Variants in RARB observed in about 807,000 individuals in gnomAD.
RARB encodes the protein retinoic acid receptor beta.
A neutral mutation model predicts 51.9 loss-of-function variants in RARB; 17 were observed. The ratio of observed to expected loss-of-function variants is 0.33; its 90% CI spans 0.22 to 0.49. RARB has a LOEUF of 0.49. RARB is among the 20% of genes least tolerant of loss of function. The pLI, the probability that RARB is intolerant of heterozygous loss-of-function variation, is 0.99. For missense variants in RARB, 369 were observed against 550.8 expected, an observed-to-expected ratio of 0.67 and a Z score of 3.30; for synonymous variants, 215 against 195.4, an observed-to-expected ratio of 1.10 and a Z score of -0.84.
chr3:25,415,129 T>A (rs997433582), intron 5 of RARB, among the ~76,000 whole-genome samples: 16 of 152,098 alleles, frequency 1.1e-4, no homozygotes, highest in South Asian at 2.1e-4. Flanking sequence ...CTTTGCACTA[T>A]TTTTATCCTA....
At chr3:25,088,548 G>A (rs1699142615) in intron 3 of RARB, among the ~76,000 whole-genome samples, 1 of 152,106 alleles carries the variant, frequency 6.6e-6, no homozygotes, top group Non-Finnish European at 1.5e-5. Flanking sequence ...AGGGAACCGG[G>A]CTGGGAAATT....
rs78698430 is a variant in RARB at position 25,402,478 on chromosome 3, A to G, written c.179-58715A>G. On this transcript the variant is annotated intron_variant, in intron 5 of 11. Coordinates refer to the RARB transcript ENST00000383772. ...GTATATACTCAAAAGAAAGGAAATCAGAATATCAAAGAGATACCTGCACTC... is the reference window on the plus strand; with the variant it reads ...GTATATACTCAAAAGAAAGGAAATCGGAATATCAAAGAGATACCTGCACTC... Among the ~76,000 whole-genome samples, 1,347 of 152,350 alleles carry G rather than the reference A, an allele frequency of 8.8e-3. 21 individuals carry two copies. Among genetic ancestry groups the G allele is most frequent in the African/African-American group, 0.031 (1,269 of 41,574 alleles).
At chr3:25,002,539 T>C (rs1013649450) in intron 2 of RARB, among the ~76,000 whole-genome samples, 2 of 152,230 alleles carry the variant, frequency 1.3e-5, no homozygotes, top group Admixed American at 1.3e-4. Context: ...AGGCTAAAAA[T>C]TAATTGTTTT....
intron 3 of RARB, 26 bp downstream of exon 3, chr3:25,501,349 T>C (rs776257066): frequency 7.5e-6 from 12 of 1,605,056 alleles, no homozygotes; most frequent in East Asian, 6.7e-5. Flanking sequence ...AAAAACTTTT[T>C]CCCTGTTTTC....
chr3:25,497,028 G>T (rs1559434724), intron 2 of RARB, among the ~76,000 whole-genome samples: 1 of 152,164 alleles, frequency 6.6e-6, no homozygotes, highest in Non-Finnish European at 1.5e-5. Context: ...GGAATTACAG[G>T]CATGCGCCAC....
intron 2 of RARB, chr3:25,020,223 G>T (rs894981171): frequency 2.6e-5 from 4 of 151,700 alleles, no homozygotes; most frequent in African/African-American, 9.7e-5. Context: ...TCACAGGCAT[G>T]ATCCCACTGC....
intron 3 of RARB, among the ~76,000 whole-genome samples, chr3:25,070,745 T>A (rs995958746): frequency 3.9e-5 from 6 of 152,232 alleles, no homozygotes; most frequent in Non-Finnish European, 8.8e-5. Context: ...TTATGGAGCT[T>A]ACATTCTCAA....
intron 2 of RARB, among the ~76,000 whole-genome samples, chr3:25,058,909 A>C (rs926402096): frequency 2.6e-5 from 4 of 151,708 alleles, no homozygotes; most frequent in Non-Finnish European, 4.4e-5. Flanking sequence ...TATGGTAATA[A>C]AATATGCAAT....
At chr3:24,973,418 T>A (rs897915451) in intron 2 of RARB, among the ~76,000 whole-genome samples, 2 of 152,082 alleles carry the variant, frequency 1.3e-5, no homozygotes, top group African/African-American at 2.4e-5. Flanking sequence ...CCAACTTACT[T>A]CTTTTTGATC....
At chr3:25,333,498 C>T (rs1376926184) in intron 5 of RARB, among the ~76,000 whole-genome samples, 10 of 152,114 alleles carry the variant, frequency 6.6e-5, no homozygotes, top group African/African-American at 1.9e-4. Flanking sequence ...AACTGGATCC[C>T]TTCCTTACAC....
chr3:25,203,088 A>C (rs1041205482), intron 5 of RARB, among the ~76,000 whole-genome samples: 1 of 152,146 alleles, frequency 6.6e-6, no homozygotes, highest in Non-Finnish European at 1.5e-5. Flanking sequence ...TAGGTCTCTA[A>C]GGACTTGCTT....
At chr3:24,991,821 G>C (rs35401906) in intron 2 of RARB, among the ~76,000 whole-genome samples, 66 of 149,610 alleles carry the variant, frequency 4.4e-4, no homozygotes, top group African/African-American at 1.3e-3. Flanking sequence ...CTGATACCAC[G>C]TGCTCAGCCA....
chr3:25,315,780 A>AT (rs60374066), intron 5 of RARB, among the ~76,000 whole-genome samples: 16 of 148,956 alleles, frequency 1.1e-4, no homozygotes, highest in Admixed American at 1.3e-4. Flanking sequence ...CACTCAGCTA[A>AT]TTTTTTTTTT....
chr3:25,369,600 C>A (rs1402309543), intron 5 of RARB, among the ~76,000 whole-genome samples: 1 of 152,186 alleles, frequency 6.6e-6, no homozygotes. Context: ...AATGCTGTCA[C>A]ATTGGCATAA....
intron 2 of RARB, among the ~76,000 whole-genome samples, chr3:25,489,689 T>C (rs914508087): frequency 6.6e-6 from 1 of 152,198 alleles, no homozygotes; most frequent in African/African-American, 2.4e-5. Context: ...TTGGGGGCTG[T>C]ATTTTGGAGC....
chr3:25,500,451 C>CTTTTTTTTTT (rs1553624117), intron 2 of RARB, among the ~76,000 whole-genome samples: 4 of 49,910 alleles, frequency 8.0e-5, no homozygotes, highest in East Asian at 7.8e-4. Context: ...TCTTTCTTTT[C>CTTTTTTTTTT]TTGTTTTTTT....
intron 3 of RARB, among the ~76,000 whole-genome samples, chr3:25,128,232 T>G (rs1021559233): frequency 6.6e-6 from 1 of 152,070 alleles, no homozygotes; most frequent in African/African-American, 2.4e-5. Context: ...TGGAATCTCC[T>G]AAGTCAAATC....
At chr3:24,976,969 T>A (rs1559418769) in intron 2 of RARB, among the ~76,000 whole-genome samples, 2 of 152,218 alleles carry the variant, frequency 1.3e-5, no homozygotes, top group African/African-American at 4.8e-5. Flanking sequence ...AGTTTCAGTT[T>A]TCTGCATATG....
At chr3:24,904,578 T>G (rs889520657) in intron 2 of RARB, among the ~76,000 whole-genome samples, 1 of 152,170 alleles carries the variant, frequency 6.6e-6, no homozygotes, top group African/African-American at 2.4e-5. Context: ...TGTAAATTAG[T>G]TCAACCATTG....
Sources: allele counts gnomAD v4.1 joint callset (sites outside exome capture counted in the v4.1 genomes callset), GRCh38; gene constraint gnomAD v4.1.1; transcripts MANE v1.5; gene names NCBI Gene and HGNC (gene_info 2026-07-23, HGNC 2026-07-21).